Variants in LSAMP observed in about 807,000 individuals in gnomAD.
LSAMP encodes limbic system associated membrane protein.
LSAMP carries 7 observed loss-of-function variants against 38.6 expected under a neutral mutation model. The observed-to-expected ratio is 0.18, with a 90% CI of 0.10 to 0.34. The LOEUF (loss-of-function observed/expected upper bound fraction) is 0.34, where lower values mean the gene tolerates loss of function less well. Ranked by LOEUF, LSAMP falls within the 10% of genes least tolerant of loss-of-function variation. The probability of loss-of-function intolerance (pLI) is 1.00; values close to 1 mark genes in which losing one functional copy is unlikely to be tolerated. For synonymous variants in LSAMP, 154 were observed against 166.8 expected (o/e 0.92, Z 0.59); for missense variants, 313 against 420.0 (o/e 0.75, Z 2.23).
At chr3:116,055,083 CTGATTTG>C in intron 2 of LSAMP, among the ~76,000 whole-genome samples, 1 of 152,138 alleles carries the variant, frequency 6.6e-6, no homozygotes. Flanking sequence ...TATTTTGTCC[CTGATTTG>C]CTGTGCAAAT....
intron 1 of LSAMP, among the ~76,000 whole-genome samples, chr3:116,406,821 G>GA (rs2048903879): frequency 6.6e-6 from 1 of 151,556 alleles, no homozygotes; most frequent in African/African-American, 2.4e-5. Context: ...GAGACTGAGA[G>GA]AAAAAAATAG....
chr3:116,184,913 A>G (rs1446820496), intron 1 of LSAMP, among the ~76,000 whole-genome samples: 1 of 151,654 alleles, frequency 6.6e-6, no homozygotes, highest in African/African-American at 2.4e-5. Context: ...TCCTTTCACC[A>G]TTCCATGATC....
chr3:115,958,156 A>G (rs1382428465), intron 3 of LSAMP, among the ~76,000 whole-genome samples: 1 of 152,204 alleles, frequency 6.6e-6, no homozygotes, highest in Non-Finnish European at 1.5e-5. Flanking sequence ...GGTGTCACAT[A>G]AAAACATTGG....
At chr3:115,876,425 G>A (rs1054322425) in intron 3 of LSAMP, among the ~76,000 whole-genome samples, 2 of 151,856 alleles carry the variant, frequency 1.3e-5, no homozygotes, top group South Asian at 4.1e-4. Flanking sequence ...GTCCTGCTAA[G>A]AAATGAGTGT....
intron 3 of LSAMP, among the ~76,000 whole-genome samples, chr3:115,853,235 C>A (rs1414023504): frequency 6.6e-6 from 1 of 152,220 alleles, no homozygotes; most frequent in Non-Finnish European, 1.5e-5. Context: ...CTGTTAAATT[C>A]TGTTCACAAG....
intron 1 of LSAMP, among the ~76,000 whole-genome samples, chr3:116,367,292 C>T (rs981427842): frequency 1.3e-5 from 2 of 151,926 alleles, no homozygotes; most frequent in Non-Finnish European, 2.9e-5. Context: ...TGCTAAATAC[C>T]TAGTGAAAGG....
Position 115,810,217 on chromosome 3 carries a change from C to T in LSAMP, c.*100G>A, listed in dbSNP as rs1933773062. 1 of 769,654 alleles carries T rather than the reference C, an allele frequency of 1.3e-6. No individual in the cohort carries two copies. The highest frequency in any genetic ancestry group is 2.1e-6 in the Non-Finnish European group (1 of 480,220). The allele number at this position is 769,654 out of a possible 1,614,324, so 47.7% of individuals were successfully genotyped here. A position where few individuals can be genotyped will look rare whatever the true frequency, so the allele number is the denominator to read the frequency against. ...ACAAAGTTGTGAAATAAACGGTCTCCCCCATCTCTCTCTCTCTCTCTCTCT... is the reference window on the plus strand; with the variant it reads ...ACAAAGTTGTGAAATAAACGGTCTCTCCCATCTCTCTCTCTCTCTCTCTCT... On this transcript the variant is annotated 3_prime_UTR_variant, in exon 7 of 7. Coordinates refer to ENST00000490035, the MANE Select transcript of LSAMP (RefSeq NM_002338.5).
chr3:115,855,551 C>A (rs925307599), intron 3 of LSAMP, among the ~76,000 whole-genome samples: 1 of 152,214 alleles, frequency 6.6e-6, no homozygotes, highest in Non-Finnish European at 1.5e-5. Context: ...CCTCTGTCTC[C>A]AGCACACAAT....
chr3:116,164,605 T>TATATATATATATATATATAATCCAA (rs1559766269), intron 1 of LSAMP, among the ~76,000 whole-genome samples: 41 of 117,986 alleles, frequency 3.5e-4, no homozygotes, highest in Non-Finnish European at 5.7e-4. Flanking sequence ...AATCCAAATA[T>TATATATATATATATATATAATCCAA]ATATATATAT....
At chr3:116,274,112 T>C (rs2047016435) in intron 1 of LSAMP, among the ~76,000 whole-genome samples, 1 of 152,122 alleles carries the variant, frequency 6.6e-6, no homozygotes, top group Non-Finnish European at 1.5e-5. Flanking sequence ...GATACTATTT[T>C]CAAAGTTAAC....
Position 115,806,255 on chromosome 3 carries a change from C to T in LSAMP, c.*4062G>A, listed in dbSNP as rs1933627658. On this transcript the variant is annotated 3_prime_UTR_variant, in exon 7 of 7. Transcript: ENST00000490035. ...TCAGTACTTTTCTTCCTTTTAAGATCAAAACATTATTCTTAATTTGTCTTA... is the reference window on the plus strand; with the variant it reads ...TCAGTACTTTTCTTCCTTTTAAGATTAAAACATTATTCTTAATTTGTCTTA... The T allele has an allele frequency of 6.6e-6, 1 of 152,208 alleles. No individual in the cohort carries two copies. Among genetic ancestry groups the T allele is most frequent in the South Asian group, 2.1e-4 (1 of 4,830 alleles). The allele number at this position is 152,208 out of a possible 1,614,324, so 9.4% of individuals were successfully genotyped here.
At chr3:116,164,826 C>T (rs1710009316) in intron 1 of LSAMP, among the ~76,000 whole-genome samples, 1 of 143,076 alleles carries the variant, frequency 7.0e-6, no homozygotes, top group Non-Finnish European at 1.5e-5. Context: ...ATGTCAGTGC[C>T]AAGTACATGG....
chr3:115,944,697 T>G lies in LSAMP; in HGVS notation c.514+74818A>C, dbSNP rs1336553560. Among the ~76,000 whole-genome samples the G allele has an allele frequency of 2.0e-5, 3 of 152,220 alleles. No individual in the cohort carries two copies. The East Asian group carries it at 5.8e-4, about 29-fold the overall frequency. On this transcript the variant is annotated intron_variant, in intron 3 of 6. Transcript: ENST00000490035. ...GTTAGCTATCATTATTCACATTTTA[T>G]GAATAAAGTAATTGAGGCCCAATGA... is the stretch of plus-strand genomic sequence containing the variant.
chr3:116,368,023 G>C (rs2048379177), intron 1 of LSAMP: 1 of 152,162 alleles, frequency 6.6e-6, no homozygotes, highest in African/African-American at 2.4e-5. Flanking sequence ...CTAATGAAAT[G>C]AGTGGCAGGC....
chr3:115,855,053 G>C (rs929774509), intron 3 of LSAMP, among the ~76,000 whole-genome samples: 2 of 152,172 alleles, frequency 1.3e-5, no homozygotes, highest in African/African-American at 2.4e-5. Flanking sequence ...AGAAGAAGGA[G>C]AGAACAAGGA....
chr3:116,178,676 A>G (rs1710411751), intron 1 of LSAMP, among the ~76,000 whole-genome samples: 1 of 152,192 alleles, frequency 6.6e-6, no homozygotes, highest in Non-Finnish European at 1.5e-5. Flanking sequence ...TACCAAACAA[A>G]GAAACAGATT....
In LSAMP at chr3:116,309,949, G is replaced by C. The variant is rs73861419; in HGVS notation, c.155+134928C>G. ...CTTCTTTCCATGGTCAACCTTTTTT[G>C]ATTGGCACATCCTTCCTTCTCTATT... On this transcript the variant is annotated intron_variant, in intron 1 of 6. Coordinates refer to ENST00000490035, the MANE Select transcript of LSAMP (RefSeq NM_002338.5). Among the ~76,000 whole-genome samples, 264 of 152,074 alleles carry C rather than the reference G, an allele frequency of 1.7e-3. 1 individual carries two copies. Among genetic ancestry groups the C allele is most frequent in the African/African-American group, 5.9e-3 (246 of 41,480 alleles).
At chr3:116,041,287 A>G (rs550937981) in intron 2 of LSAMP, among the ~76,000 whole-genome samples, 3 of 152,226 alleles carry the variant, frequency 2.0e-5, no homozygotes, top group East Asian at 3.9e-4. Context: ...GAACAATCAA[A>G]AGAAGAATAT....
At chr3:115,935,724 A>T (rs1336405509) in intron 3 of LSAMP, among the ~76,000 whole-genome samples, 2 of 152,210 alleles carry the variant, frequency 1.3e-5, no homozygotes, top group African/African-American at 4.8e-5. Context: ...TCTTCAGGGA[A>T]GCAGAAAAGG....
Sources: gnomAD v4.1 joint callset for allele counts (sites outside exome capture counted in the v4.1 genomes callset) on GRCh38, gnomAD v4.1.1 for gene constraint, MANE v1.5 for transcripts, NCBI Gene and HGNC (gene_info 2026-07-23, HGNC 2026-07-21) for gene names.